FAT3: variants seen among roughly 807,000 people sequenced by gnomAD.
FAT3 encodes the protein FAT atypical cadherin 3, also known as protocadherin Fat 3.
In FAT3, 95 loss-of-function variants were observed where a neutral mutation model predicts 310.2. The observed-to-expected ratio is 0.31, with a 90% CI of 0.26 to 0.36. FAT3 has a LOEUF of 0.36. FAT3 is among the 10% of genes least tolerant of loss of function. The probability of loss-of-function intolerance (pLI) is 1.00; values close to 1 mark genes in which losing one functional copy is unlikely to be tolerated. For missense variants in FAT3, 5,408 were observed against 5,715.6 expected (o/e 0.95, Z 1.74); for synonymous variants, 2,314 against 2,192.9 (o/e 1.06, Z -1.54).
chr11:92,791,604 T>A (rs1424919481), intron 8 of FAT3, among the ~76,000 whole-genome samples: 7 of 152,198 alleles, frequency 4.6e-5, no homozygotes, highest in Admixed American at 6.6e-5. Context: ...TTACACTGCC[T>A]TTTTCCTAGC....
At chr11:92,381,545 G>T (rs1208767017) in intron 2 of FAT3, among the ~76,000 whole-genome samples, 2 of 152,106 alleles carry the variant, frequency 1.3e-5, no homozygotes, top group Non-Finnish European at 2.9e-5. Context: ...CTTCCATGTG[G>T]TGGGTGCATT....
At chr11:92,295,490 T>A (rs1196947588) in intron 1 of FAT3, among the ~76,000 whole-genome samples, 1 of 152,146 alleles carries the variant, frequency 6.6e-6, no homozygotes, top group African/African-American at 2.4e-5. Context: ...GAATTATGGA[T>A]GCAGGGTCAA....
At chr11:92,298,731 A>G (rs1439234684) in intron 1 of FAT3, among the ~76,000 whole-genome samples, 1 of 152,082 alleles carries the variant, frequency 6.6e-6, no homozygotes, top group Non-Finnish European at 1.5e-5. Flanking sequence ...CAACCTGTTC[A>G]GCCTAAATAA....
chr11:92,492,646 G>A (rs1378085687), intron 2 of FAT3, among the ~76,000 whole-genome samples: 1 of 151,956 alleles, frequency 6.6e-6, no homozygotes, highest in Non-Finnish European at 1.5e-5. Context: ...CATACTGGGA[G>A]CTTCCCCTCT....
At chr11:92,231,071 T>A (rs1864161098) in intron 1 of FAT3, among the ~76,000 whole-genome samples, 1 of 152,236 alleles carries the variant, frequency 6.6e-6, no homozygotes, top group Non-Finnish European at 1.5e-5. Flanking sequence ...CTTCAGAATT[T>A]ATTCATGTCC....
intron 2 of FAT3, among the ~76,000 whole-genome samples, chr11:92,506,486 T>C (rs1371566663): frequency 1.3e-5 from 2 of 152,196 alleles, no homozygotes; most frequent in Non-Finnish European, 2.9e-5. Context: ...GTACATACAA[T>C]ATAACTATAA....
chr11:92,706,168 A>G (rs775035807), intron 4 of FAT3, among the ~76,000 whole-genome samples: 10 of 151,918 alleles, frequency 6.6e-5, no homozygotes, highest in African/African-American at 9.7e-5. Context: ...ATTTTACAGA[A>G]CTGTCCAGGT....
intron 19 of FAT3, among the ~76,000 whole-genome samples, chr11:92,846,706 C>T (rs965782426): frequency 3.3e-5 from 5 of 152,282 alleles, no homozygotes; most frequent in Admixed American, 3.3e-4. Flanking sequence ...CCTTTCTACT[C>T]CCAGTAAATT....
chr11:92,729,426 A>AT (rs1358571849), intron 4 of FAT3, among the ~76,000 whole-genome samples: 2,841 of 140,418 alleles, frequency 0.02, 42 homozygotes, highest in African/African-American at 0.031. Context: ...CCCAGACTGA[A>AT]TTTTTTTTTT....
chr11:92,522,778 A>G (rs1320332362), intron 2 of FAT3, among the ~76,000 whole-genome samples: 2 of 152,094 alleles, frequency 1.3e-5, no homozygotes, highest in African/African-American at 4.8e-5. Flanking sequence ...GCCAAATTCC[A>G]CCTCATTTTA....
chr11:92,738,749 T>C (rs1945422039), intron 4 of FAT3, among the ~76,000 whole-genome samples: 1 of 152,338 alleles, frequency 6.6e-6, no homozygotes, highest in South Asian at 2.1e-4. Context: ...TTTCACAACA[T>C]GCTGAGTCTT....
chr11:92,500,254 G>A (rs1952895179), intron 2 of FAT3, among the ~76,000 whole-genome samples: 2 of 151,974 alleles, frequency 1.3e-5, no homozygotes. Flanking sequence ...GGACCATACA[G>A]TATTAAATTA....
chr11:92,382,852 TCATGGGTA>T (rs1949529521), intron 2 of FAT3, among the ~76,000 whole-genome samples: 1 of 152,340 alleles, frequency 6.6e-6, no homozygotes, highest in Admixed American at 6.5e-5. Context: ...TATTTTAAGT[TCATGGGTA>T]CATGTGTGGG....
intron 3 of FAT3, among the ~76,000 whole-genome samples, chr11:92,568,417 T>C (rs1403249349): frequency 6.6e-6 from 1 of 152,148 alleles, no homozygotes; most frequent in Non-Finnish European, 1.5e-5. Context: ...TACATTTTTA[T>C]ATTGTGTGTA....
intron 13 of FAT3, among the ~76,000 whole-genome samples, chr11:92,820,737 G>C (rs140179490): frequency 2.7e-4 from 41 of 152,242 alleles, no homozygotes; most frequent in Non-Finnish European, 5.1e-4. Context: ...AAAATGCCTG[G>C]ATTCCTGATC....
chr11:92,886,605 A>T (rs1268897016), intron 24 of FAT3, among the ~76,000 whole-genome samples: 1 of 152,234 alleles, frequency 6.6e-6, no homozygotes, highest in Non-Finnish European at 1.5e-5. Flanking sequence ...CCATTTTAAA[A>T]GTTATCTCAT....
intron 1 of FAT3, among the ~76,000 whole-genome samples, chr11:92,225,571 G>C (rs941209495): frequency 1.3e-5 from 2 of 152,258 alleles, no homozygotes; most frequent in Non-Finnish European, 1.5e-5. Context: ...CTTGGCAGCC[G>C]GTGCCTCTCG....
chr11:92,801,542 G>C lies in FAT3; in HGVS notation c.8529G>C (p.Trp2843Cys), dbSNP rs920181897. 11 of 1,607,816 alleles carry C rather than the reference G, an allele frequency of 6.8e-6. No individual in the cohort carries two copies. The highest frequency in any genetic ancestry group is 9.3e-6 in the Non-Finnish European group (11 of 1,176,948). ...AAGTGAGAGCTATTGATATGGACTG[G>C]GGAGCCAATGGACAAGTCACTTACT... The part of the protein sequence containing the change: ...LTQVRAIDMD[W>C]GANGQVTYSL... Residue 2843 changes from tryptophan to cysteine, a missense_variant, in exon 10 of 28, where the codon TGG (tryptophan) becomes TGC (cysteine). By Grantham distance (215) the Trp-to-Cys change is radical. Coordinates refer to ENST00000525166, the MANE Select transcript of FAT3 (RefSeq NM_001367949.2).
At chr11:92,540,775 GT>G (rs58218154) in intron 3 of FAT3, among the ~76,000 whole-genome samples, 291 of 140,648 alleles carry the variant, frequency 2.1e-3, no homozygotes, top group African/African-American at 7.2e-3. Flanking sequence ...GTTTTGTTTT[GT>G]TTTTTTTGAC....
Sources: allele counts gnomAD v4.1 joint callset (sites outside exome capture counted in the v4.1 genomes callset), GRCh38; gene constraint gnomAD v4.1.1; transcripts MANE v1.5; gene names NCBI Gene and HGNC (gene_info 2026-07-23, HGNC 2026-07-21).